The following HCAR3 variants were observed in gnomAD, a reference collection of about 807,000 sequenced individuals.
HCAR3 encodes G-protein coupled receptor 109B.
For missense variants in HCAR3, 404 were observed against 501.2 expected (o/e 0.81, Z 1.85); for synonymous variants, 167 against 201.0 (o/e 0.83, Z 1.43).
Position 122,716,769 on chromosome 12 carries a change from C to G in HCAR3, c.-32G>C, listed in dbSNP as rs12229648. 6.2e-7 allele frequency: 1 copy of G among 1,603,654 alleles called. No homozygotes were observed. Among genetic ancestry groups the G allele is most frequent in the African/African-American group, 1.3e-5 (1 of 74,722 alleles). ...AGCTAGTGAGTCCGATGGAGCGCCT[C>G]GCCTAGTGAATGCTCCAGCAAAGTG... On this transcript the variant is annotated 5_prime_UTR_variant, in exon 1 of 1. Transcript: ENST00000528880.
rs2135492554 is a variant in HCAR3, at chr12:122,715,533, A to T, written c.*41T>A. The T allele has an allele frequency of 2.6e-6, 4 of 1,530,128 alleles. No homozygotes were observed. In the East Asian group the frequency reaches 9.0e-5, roughly 34 times the overall value. 94.8% of individuals were successfully genotyped at this position (1,530,128 alleles called of 1,614,324 possible). Reference sequence around the variant, plus strand: ...AGTTTCCCTAAATCAGATTCTCTGAATCTGGAAGTTCCAGGAAATCTTAGG... The same window carrying T: ...AGTTTCCCTAAATCAGATTCTCTGATTCTGGAAGTTCCAGGAAATCTTAGG... On this transcript the variant is annotated 3_prime_UTR_variant, in exon 1 of 1. Coordinates refer to ENST00000528880, the MANE Select transcript of HCAR3 (RefSeq NM_006018.3).
Position 122,716,201 on chromosome 12 carries a change from G to A in HCAR3, c.537C>T (p.Ser179=), listed in dbSNP as rs746631594. The A allele has an allele frequency of 6.8e-6, 11 of 1,614,050 alleles. No individual in the cohort carries two copies. The East Asian group carries it at 1.3e-4, about 20-fold the overall frequency. Residue 179 remains serine (S), a synonymous_variant, in exon 1 of 1, where the codon AGC becomes AGT. Transcript: ENST00000528880. ...ACCGGAAGGTATGGCAGATGCTGAAGCTGATGCACACATTTGCAGTGCCAT... is the reference window on the plus strand; with the variant it reads ...ACCGGAAGGTATGGCAGATGCTGAAACTGATGCACACATTTGCAGTGCCAT... The part of the protein sequence containing the change: ...IQNGTANVCI[S]FSICHTFRWH...
rs1318713464 is a variant in HCAR3 at position 122,716,723 on chromosome 12, A to T, written c.15T>A (p.His5Gln). Residue 5 changes from histidine to glutamine, a missense_variant, in exon 1 of 1, where the codon CAT (histidine) becomes CAA (glutamine). Coordinates refer to ENST00000528880, the MANE Select transcript of HCAR3 (RefSeq NM_006018.3). MNRH[H>Q]LQDHFLEIDK... ...CTATTTCCAGAAAGTGATCCTGCAG[A>T]TGGTGCCGATTCATGAGTGCAGCTA... 6.2e-7 allele frequency: 1 copy of T among 1,613,730 alleles called. No individual in the cohort carries two copies. The highest frequency in any genetic ancestry group is 1.3e-5 in the African/African-American group (1 of 74,890).
In HCAR3 at chr12:122,716,437, G is replaced by A. The variant is rs531947529; in HGVS notation, c.301C>T (p.Arg101Trp). ...SDWKFGDIPCRLVLFMFAMNR... is the reference protein window; with the variant it reads ...SDWKFGDIPCWLVLFMFAMNR... The stretch of plus-strand genomic sequence containing the variant: ...ATGGCAAACATGAAGAGCACCAGCC[G>A]GCAAGGGATGTCCCCAAACTTCCAG... The change falls in exon 1 of 1, where the codon CGG (arginine) becomes TGG (tryptophan). Residue 101 changes from arginine to tryptophan, a missense_variant. Arg to Trp is a moderately radical substitution (Grantham distance 101). Transcript: ENST00000528880. The A allele has an allele frequency of 7.4e-6, 12 of 1,614,002 alleles. No homozygotes were observed. In the East Asian group the frequency reaches 1.1e-4, roughly 15 times the overall value.
At position 122,716,618 on chromosome 12, in the gene HCAR3, A is replaced by C. The variant is rs3825153; in HGVS notation, c.120T>G (p.Phe40Leu). 6.2e-7 allele frequency: 1 copy of C among 1,614,176 alleles called. No homozygotes were observed. Among genetic ancestry groups the C allele is most frequent in the Non-Finnish European group, 8.5e-7 (1 of 1,180,020 alleles). The change falls in exon 1 of 1, where the codon TTT (phenylalanine) becomes TTG (leucine). Residue 40 changes from phenylalanine (F) to leucine (L), a missense_variant. By Grantham distance (22) the Phe-to-Leu change is conservative. Transcript: ENST00000528880. ...LPPVLGLEFIFGLLGNGLALW... is the reference protein window; with the variant it reads ...LPPVLGLEFILGLLGNGLALW... ...GGGCAAGGCCATTGCCCAGAAGCCC[A>C]AAGATAAACTCCAGCCCCAACACCG... is the stretch of plus-strand genomic sequence containing the variant.
Position 122,716,271 on chromosome 12 carries a change from A to G in HCAR3, c.467T>C (p.Val156Ala). ...CTTCAGGAGGTGGACTGTTAGGCCA[A>G]CAGTGATGCCCCACAGAAGGCAAGA... is the stretch of plus-strand genomic sequence containing the variant. ...IISCLLWGITVGLTVHLLKKK... is the reference protein window; with the variant it reads ...IISCLLWGITAGLTVHLLKKK... The change falls in exon 1 of 1, where the codon GTT becomes GCT. Residue 156 changes from valine to alanine, a missense_variant. Physicochemically the swap from Val to Ala is moderately conservative, Grantham distance 64. Transcript: ENST00000528880. 1.9e-6 allele frequency: 3 copies of G among 1,614,166 alleles called. No homozygotes were observed. The highest frequency in any genetic ancestry group is 2.2e-5 in the South Asian group (2 of 91,066).
Position 122,716,720 on chromosome 12 carries a change from C to T in HCAR3, c.18G>A (p.Leu6=), listed in dbSNP as rs762656705. Residue 6 remains leucine (L), a synonymous_variant, in exon 1 of 1, where the codon CTG becomes CTA. Transcript: ENST00000528880. ...TGTCTATTTCCAGAAAGTGATCCTGCAGATGGTGCCGATTCATGAGTGCAG... is the reference window on the plus strand; with the variant it reads ...TGTCTATTTCCAGAAAGTGATCCTGTAGATGGTGCCGATTCATGAGTGCAG... MNRHH[L]QDHFLEIDKK... 14 of 1,613,800 alleles carry T rather than the reference C, an allele frequency of 8.7e-6. No homozygotes were observed. In the East Asian group the frequency reaches 2.9e-4, roughly 33 times the overall value.
rs1482224634 is a variant in HCAR3 at position 122,716,743 on chromosome 12, C to A, written c.-6G>T. On this transcript the variant is annotated 5_prime_UTR_variant, in exon 1 of 1. Transcript: ENST00000528880. ...TGCAGATGGTGCCGATTCATGAGTG[C>A]AGCTAGTGAGTCCGATGGAGCGCCT... is the stretch of plus-strand genomic sequence containing the variant. 6 of 1,611,494 alleles carry A rather than the reference C, an allele frequency of 3.7e-6. No homozygotes were observed. Among genetic ancestry groups the A allele is most frequent in the African/African-American group, 1.3e-5 (1 of 74,878 alleles).
rs1394398648 is a variant in HCAR3 at position 122,715,613 on chromosome 12, T to C, written c.1125A>G (p.Pro375=). 2 of 1,613,270 alleles carry C rather than the reference T, an allele frequency of 1.2e-6. No individual in the cohort carries two copies. Among genetic ancestry groups the C allele is most frequent in the South Asian group, 2.2e-5 (2 of 90,958 alleles). The change falls in exon 1 of 1, where the codon CCA becomes CCG. Residue 375 remains proline (P), a synonymous_variant. Transcript: ENST00000528880. ...HSKKGHCHQE[P]ASLEKQLGCC... ...AGCCCAACTGTTTCTCCAGAGATGC[T>C]GGTTCTTGGTGACAATGTCCCTTCT...
chr12:122,715,474 A>G lies in HCAR3; in HGVS notation c.*100T>C, dbSNP rs1555249062. ...CTGTTCCTCCAGGATTCCTGCGGTCACACCTTGCAACCAGTCTCCCACTCA... is the reference window on the plus strand; with the variant it reads ...CTGTTCCTCCAGGATTCCTGCGGTCGCACCTTGCAACCAGTCTCCCACTCA... On this transcript the variant is annotated 3_prime_UTR_variant, in exon 1 of 1. Transcript: ENST00000528880. The G allele has an allele frequency of 7.7e-7, 1 of 1,306,478 alleles. No homozygotes were observed. Among genetic ancestry groups the G allele is most frequent in the South Asian group, 1.4e-5 (1 of 69,304 alleles). The allele number at this position is 1,306,478 out of a possible 1,614,324, so 80.9% of individuals were successfully genotyped here.
chr12:122,716,141 C>A lies in HCAR3; in HGVS notation c.597G>T (p.Leu199=). Residue 199 remains leucine, a synonymous_variant, in exon 1 of 1, where the codon CTG becomes CTT. Transcript: ENST00000528880. ...HEAMFLLEFF[L]PLGIILFCSA... is the part of the protein sequence containing the mutation. ...AGCAGAACAGGATGATGCCCAGGGG[C>A]AGGAAGAACTCCAGGAGGAACATAG... is the stretch of plus-strand genomic sequence containing the variant. 1 of 1,613,856 alleles carries A rather than the reference C, an allele frequency of 6.2e-7. No homozygotes were observed. Among genetic ancestry groups the A allele is most frequent in the Non-Finnish European group, 8.5e-7 (1 of 1,179,956 alleles).
In HCAR3 at chr12:122,716,341, G is replaced by A. The variant is rs1877548343; in HGVS notation, c.397C>T (p.His133Tyr). Residue 133 changes from histidine (H) to tyrosine (Y), a missense_variant, in exon 1 of 1, where the codon CAC becomes TAC. Transcript: ENST00000528880. ...TTGGAGATCTTGTTCAGGGCGTGGT[G>A]GGGATGGACCACCCGGAAATACCTG... is the stretch of plus-strand genomic sequence containing the variant. ...VDRYFRVVHP[H>Y]HALNKISNWT... 2 of 1,613,942 alleles carry A rather than the reference G, an allele frequency of 1.2e-6. No individual in the cohort carries two copies. Among genetic ancestry groups the A allele is most frequent in the Non-Finnish European group, 1.7e-6 (2 of 1,180,036 alleles).
chr12:122,715,730 G>T lies in HCAR3; in HGVS notation c.1008C>A (p.Asn336Lys), dbSNP rs756135439. The T allele has an allele frequency of 2.5e-6, 4 of 1,610,748 alleles. No individual in the cohort carries two copies. Among genetic ancestry groups the T allele is most frequent in the Middle Eastern group, 1.7e-4 (1 of 6,042 alleles). The change falls in exon 1 of 1, where the codon AAC (asparagine) becomes AAA (lysine). Residue 336 changes from asparagine to lysine, a missense_variant. Physicochemically the swap from Asn to Lys is moderately conservative, Grantham distance 94. Coordinates refer to ENST00000528880, the MANE Select transcript of HCAR3 (RefSeq NM_006018.3). Reference sequence around the variant, plus strand: ...ACGCCTCTGGAGCGCCTCTGGTTTTGTTGGGGTCCCCTGTGAGCTCGACGC... The same window carrying T: ...ACGCCTCTGGAGCGCCTCTGGTTTTTTTGGGGTCCCCTGTGAGCTCGACGC... ...STSVELTGDP[N>K]KTRGAPEALI...
In HCAR3 at chr12:122,716,476, C is replaced by T. The variant is rs764600123; in HGVS notation, c.262G>A (p.Val88Met). The T allele has an allele frequency of 6.2e-7, 1 of 1,614,102 alleles. No homozygotes were observed. The highest frequency in any genetic ancestry group is 8.5e-7 in the Non-Finnish European group (1 of 1,180,026). ...CCAAACTTCCAGTCTGAACGCCGCA[C>T]ATAGTAGTCCATCACGAACGGCAGG... Reference protein sequence around the residue: ...ICLPFVMDYYVRRSDWKFGDI... With the variant: ...ICLPFVMDYYMRRSDWKFGDI... The change falls in exon 1 of 1, where the codon GTG (valine) becomes ATG (methionine). Residue 88 changes from valine to methionine, a missense_variant. Val to Met is a conservative substitution (Grantham distance 21). Coordinates refer to ENST00000528880, the MANE Select transcript of HCAR3 (RefSeq NM_006018.3).
Sources: allele counts gnomAD v4.1 joint callset, GRCh38; gene constraint gnomAD v4.1.1; transcripts MANE v1.5; gene names NCBI Gene and HGNC (gene_info 2026-07-23, HGNC 2026-07-21).